Variants in CUX2 observed in about 807,000 individuals in gnomAD.
The protein encoded by CUX2 is cut like homeobox 2, also known as homeobox protein cut-like 2.
CUX2 carries 40 observed loss-of-function variants against 144.8 expected under a neutral mutation model. The ratio of observed to expected loss-of-function variants is 0.28; its 90% confidence interval spans 0.21 to 0.36. The LOEUF (loss-of-function observed/expected upper bound fraction) is 0.36, where lower values mean the gene tolerates loss of function less well. CUX2 is among the 10% of genes least tolerant of loss of function. The probability of loss-of-function intolerance (pLI) is 1.00; values close to 1 mark genes in which losing one functional copy is unlikely to be tolerated. For missense variants in CUX2, 1,615 were observed against 1,994.0 expected, an observed-to-expected ratio of 0.81 and a Z score of 3.62; for synonymous variants, 827 against 875.6, an observed-to-expected ratio of 0.94 and a Z score of 0.98.
chr12:111,096,267 T>C (rs1412156706), intron 1 of CUX2, among the ~76,000 whole-genome samples: 1 of 152,166 alleles, frequency 6.6e-6, no homozygotes, highest in Non-Finnish European at 1.5e-5. Flanking sequence ...AAATCAGACC[T>C]TGGAGGTCTC....
At chr12:111,202,911 G>A (rs1023905483) in intron 1 of CUX2, among the ~76,000 whole-genome samples, 14 of 152,036 alleles carry the variant, frequency 9.2e-5, no homozygotes, top group Non-Finnish European at 2.1e-4. Context: ...CAAAGGCTCC[G>A]AGACAGAAAC....
At chr12:111,113,037 G>A (rs535247996) in intron 1 of CUX2, among the ~76,000 whole-genome samples, 1 of 152,346 alleles carries the variant, frequency 6.6e-6, no homozygotes, top group Middle Eastern at 3.4e-3. Flanking sequence ...TTGGAGGAAA[G>A]CATAGGAGCT....
intron 1 of CUX2, among the ~76,000 whole-genome samples, chr12:111,157,326 G>A (rs1877461476): frequency 6.6e-6 from 1 of 151,266 alleles, no homozygotes; most frequent in Non-Finnish European, 1.5e-5. Context: ...CACTAGTTGG[G>A]AGAGGCTGGT....
At chr12:111,308,975 G>A (rs1216947424) in intron 14 of CUX2, among the ~76,000 whole-genome samples, 1 of 151,980 alleles carries the variant, frequency 6.6e-6, no homozygotes, top group Non-Finnish European at 1.5e-5. Flanking sequence ...TGTGATCTCG[G>A]CTCACTGCAG....
intron 1 of CUX2, among the ~76,000 whole-genome samples, chr12:111,212,800 G>A (rs1254112664): frequency 6.6e-6 from 1 of 152,214 alleles, no homozygotes; most frequent in African/African-American, 2.4e-5. Flanking sequence ...CCAGCTTGGG[G>A]TGCCAGGTTT....
chr12:111,251,908 C>A (rs905706312), intron 3 of CUX2, among the ~76,000 whole-genome samples: 1 of 152,086 alleles, frequency 6.6e-6, no homozygotes, highest in African/African-American at 2.4e-5. Context: ...GCCAGGATTA[C>A]AAGGCTCACA....
chr12:111,247,239 G>C (rs1340527506), intron 3 of CUX2, among the ~76,000 whole-genome samples: 1 of 152,210 alleles, frequency 6.6e-6, no homozygotes, highest in Non-Finnish European at 1.5e-5. Flanking sequence ...ACCCCGGCTA[G>C]ACTGGGCTGG....
chr12:111,127,510 G>C (rs1472756307), intron 1 of CUX2, among the ~76,000 whole-genome samples: 3 of 152,098 alleles, frequency 2.0e-5, no homozygotes, highest in Non-Finnish European at 4.4e-5. Flanking sequence ...TTCGCCTGTT[G>C]TTCAGAGGCA....
rs990819413 is a variant in CUX2 at position 111,287,403 on chromosome 12, T to C, written c.302-4015T>C. Among the ~76,000 whole-genome samples, 1 of 152,252 alleles carries C rather than the reference T, an allele frequency of 6.6e-6. No individual in the cohort carries two copies. Among genetic ancestry groups the C allele is most frequent in the African/African-American group, 2.4e-5 (1 of 41,480 alleles). On this transcript the variant is annotated intron_variant, in intron 4 of 21. Coordinates refer to ENST00000261726, the MANE Select transcript of CUX2 (RefSeq NM_015267.4). The surrounding 1 kb of genome is among the most constrained non-coding windows in gnomAD (Gnocchi z 4.2). ...TAACTTCCCTGACCCCGGCGAGTGCTCGTTGCCTTTTTTCCTCCTGTCTCA... is the reference window on the plus strand; with the variant it reads ...TAACTTCCCTGACCCCGGCGAGTGCCCGTTGCCTTTTTTCCTCCTGTCTCA...
intron 3 of CUX2, among the ~76,000 whole-genome samples, chr12:111,229,203 G>T (rs967112441): frequency 1.3e-5 from 2 of 152,174 alleles, no homozygotes; most frequent in Non-Finnish European, 2.9e-5. Flanking sequence ...AAGTACAGTT[G>T]CACCCAGAAA....
chr12:111,043,181 C>G (rs1364745650), intron 1 of CUX2, among the ~76,000 whole-genome samples: 1 of 152,044 alleles, frequency 6.6e-6, no homozygotes, highest in Admixed American at 6.5e-5. Flanking sequence ...GCCCACAGGC[C>G]ATGGGACGAG....
intron 1 of CUX2, among the ~76,000 whole-genome samples, chr12:111,168,838 T>C (rs1233395866): frequency 6.6e-6 from 1 of 152,046 alleles, no homozygotes; most frequent in East Asian, 1.9e-4. Context: ...GGAATTTGGG[T>C]CGGGTGCTTG....
chr12:111,165,037 G>T (rs1293070654), intron 1 of CUX2, among the ~76,000 whole-genome samples: 1 of 152,168 alleles, frequency 6.6e-6, no homozygotes, highest in East Asian at 1.9e-4. Flanking sequence ...TGAACTGCTG[G>T]ATCCAGCCAT....
intron 4 of CUX2, 89 bp from the exon 5 acceptor site, chr12:111,291,329 C>T: frequency 2.7e-6 from 4 of 1,461,186 alleles, no homozygotes; most frequent in East Asian, 2.4e-5. Flanking sequence ...TCCGATGGCT[C>T]CTGTGGAACC....
At chr12:111,121,781 G>A (rs894876116) in intron 1 of CUX2, among the ~76,000 whole-genome samples, 1 of 151,872 alleles carries the variant, frequency 6.6e-6, no homozygotes, top group Non-Finnish European at 1.5e-5. Flanking sequence ...GGCCACAGAT[G>A]CTTTCATGGG....
chr12:111,228,351 T>C (rs1044099817), intron 3 of CUX2, among the ~76,000 whole-genome samples: 2 of 152,034 alleles, frequency 1.3e-5, no homozygotes, highest in Admixed American at 6.6e-5. Flanking sequence ...ACCATGCAAG[T>C]CCCCCTGCAT....
chr12:111,345,263 C>A (rs1012681746), intron 21 of CUX2, among the ~76,000 whole-genome samples: 1 of 149,836 alleles, frequency 6.7e-6, no homozygotes. Flanking sequence ...TCCTGGCCAA[C>A]GTGGTGAAAC....
chr12:111,336,164 C>G (rs980328129), intron 19 of CUX2, among the ~76,000 whole-genome samples: 1 of 152,110 alleles, frequency 6.6e-6, no homozygotes, highest in African/African-American at 2.4e-5. Context: ...GTGCTGAAGT[C>G]TTTGCCCTCT....
intron 1 of CUX2, among the ~76,000 whole-genome samples, chr12:111,179,094 G>A (rs1399462982): frequency 6.6e-6 from 1 of 152,148 alleles, no homozygotes; most frequent in Non-Finnish European, 1.5e-5. Context: ...ACTGGACAGG[G>A]CAATAGTGGG....
Sources: gnomAD v4.1 joint callset for allele counts (sites outside exome capture counted in the v4.1 genomes callset) on GRCh38, gnomAD v4.1.1 for gene constraint, Gnocchi (gnomAD v3.1) non-coding constraint, MANE v1.5 for transcripts, NCBI Gene and HGNC (gene_info 2026-07-23, HGNC 2026-07-21) for gene names.